The following FBXW12 variants were observed in gnomAD, a reference collection of about 807,000 sequenced individuals.
FBXW12 encodes the protein F-box/WD repeat-containing protein 12.
In FBXW12, 43 loss-of-function variants were observed where a neutral mutation model predicts 55.3. That is an observed-to-expected ratio of 0.78 (90% CI 0.61 to 1.00). The LOEUF is 1.00. FBXW12 is among the 50% of genes least tolerant of loss of function. The probability of loss-of-function intolerance (pLI) is 0.00; values close to 1 mark genes in which losing one functional copy is unlikely to be tolerated. For missense variants in FBXW12, 524 were observed against 560.5 expected, an observed-to-expected ratio of 0.93 and a Z score of 0.66; for synonymous variants, 184 against 203.8, an observed-to-expected ratio of 0.90 and a Z score of 0.83.
intron 5 of FBXW12, 84 bp from the exon 6 acceptor site, chr3:48,378,233 G>T (rs7630741): frequency 0.43 from 433,948 of 1,012,322 alleles, 94,444 homozygotes; most frequent in Non-Finnish European, 0.46. Context: ...TTTGGAAGAG[G>T]CTTCCAAATA....
intron 6 of FBXW12, among the ~76,000 whole-genome samples, chr3:48,378,852 G>GC (rs1275018301): frequency 6.6e-6 from 1 of 151,978 alleles, no homozygotes; most frequent in Non-Finnish European, 1.5e-5. Flanking sequence ...GCCCACCTCA[G>GC]CCCCCCAAAG....
chr3:48,381,742 G>A lies in FBXW12; in HGVS notation c.1028G>A (p.Cys343Tyr), dbSNP rs2036778112. The A allele has an allele frequency of 6.2e-7, 1 of 1,607,784 alleles. No homozygotes were observed. Among genetic ancestry groups the A allele is most frequent in the Non-Finnish European group, 8.5e-7 (1 of 1,176,094 alleles). ...TTCCAGGTGGCAGCTCATCTGAAGT[G>A]CCCTATCTGGATGGGAGCCAGTGAT... ...ASFQVAAHLK[C>Y]PIWMGASDGY... is the part of the protein sequence containing the mutation. Residue 343 changes from cysteine (C) to tyrosine (Y), a missense_variant, in exon 9 of 11, where the codon TGC becomes TAC. Physicochemically the swap from Cys to Tyr is radical, Grantham distance 194. Transcript: ENST00000296438.
intron 1 of FBXW12, 34 bp downstream of exon 1, chr3:48,372,354 T>C (rs951093615): frequency 1.3e-6 from 2 of 1,550,874 alleles, no homozygotes; most frequent in Non-Finnish European, 1.7e-6. Context: ...AGACTCCAAT[T>C]CCAGGAGTTT....
chr3:48,386,809 A>G (rs2036854017), intron 10 of FBXW12, among the ~76,000 whole-genome samples: 1 of 152,154 alleles, frequency 6.6e-6, no homozygotes, highest in Non-Finnish European at 1.5e-5. Context: ...TCAGCCTTGC[A>G]TTCCTAGACT....
Position 48,380,741 on chromosome 3 carries a change from A to T in FBXW12, c.814A>T (p.Ser272Cys), listed in dbSNP as rs201729658. The T allele has an allele frequency of 2.0e-4, 328 of 1,614,000 alleles. No individual in the cohort carries two copies. Among genetic ancestry groups the T allele is most frequent in the Non-Finnish European group, 2.6e-4 (308 of 1,179,972 alleles). Reference sequence around the variant, plus strand: ...GTCCTTACTGAGACCATCAGAAGGCAGTGTTCCTCTGTCTACCTTTCTCCC... The same window carrying T: ...GTCCTTACTGAGACCATCAGAAGGCTGTGTTCCTCTGTCTACCTTTCTCCC... ...TESLLRPSEG[S>C]VPLSTFLPHK... Residue 272 changes from serine (S) to cysteine (C), a missense_variant, in exon 8 of 11, where the codon AGT becomes TGT. Transcript: ENST00000296438.
At chr3:48,373,503 G>T in intron 3 of FBXW12, 45 bp from the exon 4 acceptor site, 1 of 1,605,544 alleles carries the variant, frequency 6.2e-7, no homozygotes, top group South Asian at 1.1e-5. Flanking sequence ...CTGAGGAGGT[G>T]AACTGACTGA....
intron 10 of FBXW12, among the ~76,000 whole-genome samples, chr3:48,385,067 T>C (rs1223709345): frequency 6.6e-6 from 1 of 152,306 alleles, no homozygotes; most frequent in East Asian, 1.9e-4. Context: ...TCTCTGAAAC[T>C]TATTCCTCCT....
At chr3:48,374,764 C>CATT (rs2036658288) in intron 4 of FBXW12, among the ~76,000 whole-genome samples, 1 of 82,678 alleles carries the variant, frequency 1.2e-5, no homozygotes, top group Non-Finnish European at 2.2e-5. Flanking sequence ...CCTGATAACA[C>CATT]TTTTTTTTTT....
Position 48,380,747 on chromosome 3 carries a change from C to T in FBXW12, c.820C>T (p.Pro274Ser). ...SLLRPSEGSVPLSTFLPHKLC... is the reference protein window; with the variant it reads ...SLLRPSEGSVSLSTFLPHKLC... ...ACTGAGACCATCAGAAGGCAGTGTT[C>T]CTCTGTCTACCTTTCTCCCACATAA... The change falls in exon 8 of 11, where the codon CCT (proline) becomes TCT (serine). Residue 274 changes from proline to serine, a missense_variant. Physicochemically the swap from Pro to Ser is moderately conservative, Grantham distance 74 (BLOSUM62 -1). Coordinates refer to ENST00000296438, the MANE Select transcript of FBXW12 (RefSeq NM_207102.2). The T allele has an allele frequency of 6.2e-7, 1 of 1,614,072 alleles. No homozygotes were observed. Among genetic ancestry groups the T allele is most frequent in the Non-Finnish European group, 8.5e-7 (1 of 1,179,938 alleles).
At chr3:48,385,023 A>G (rs1460167037) in intron 10 of FBXW12, among the ~76,000 whole-genome samples, 2 of 152,180 alleles carry the variant, frequency 1.3e-5, no homozygotes, top group Non-Finnish European at 2.9e-5. Context: ...ATGATACACT[A>G]TTATGAACTA....
chr3:48,377,930 A>C (rs544631298), intron 5 of FBXW12, among the ~76,000 whole-genome samples: 24 of 152,318 alleles, frequency 1.6e-4, no homozygotes, highest in Admixed American at 1.6e-3. Flanking sequence ...TAGTTAATAC[A>C]TTTTGGGTTC....
chr3:48,389,523 C>T (rs1023944165), intron 10 of FBXW12, among the ~76,000 whole-genome samples: 2 of 152,086 alleles, frequency 1.3e-5, no homozygotes, highest in Non-Finnish European at 2.9e-5. Flanking sequence ...GAATTACAGG[C>T]ATGTGTCACC....
intron 10 of FBXW12, among the ~76,000 whole-genome samples, chr3:48,388,196 A>G (rs1296129145): frequency 6.6e-6 from 1 of 152,178 alleles, no homozygotes; most frequent in Admixed American, 6.5e-5. Context: ...CACCCAAGAT[A>G]TGCTCTATCT....
At chr3:48,378,567 T>C (rs757296306) in intron 6 of FBXW12, 41 bp downstream of exon 6, 21 of 1,543,616 alleles carry the variant, frequency 1.4e-5, no homozygotes, top group South Asian at 9.0e-5. Context: ...AAAAATCAAA[T>C]GCCTGTTGTC....
At position 48,381,844 on chromosome 3, in the gene FBXW12, A is replaced by C. The variant is rs546259509; in HGVS notation, c.1130A>C (p.Glu377Ala). 2 of 1,608,110 alleles carry C rather than the reference A, an allele frequency of 1.2e-6. No individual in the cohort carries two copies. The highest frequency in any genetic ancestry group is 8.5e-7 in the Non-Finnish European group (1 of 1,175,880). Residue 377 changes from glutamate to alanine, a missense_variant, in exon 9 of 11, where the codon GAG becomes GCG. Coordinates refer to ENST00000296438, the MANE Select transcript of FBXW12 (RefSeq NM_207102.2). ...SITGFLLQRF[E>A]DHQAAINNFW... ...ACTGGCTTCCTGCTGCAACGATTTG[A>C]GGACCATCAGGCAGCCATCAACAAC...
At position 48,372,946 on chromosome 3, in the gene FBXW12, C is replaced by T. The variant is rs563912925; in HGVS notation, c.90+89C>T. On this transcript the variant is annotated intron_variant, in intron 2 of 10. Coordinates refer to ENST00000296438, the MANE Select transcript of FBXW12 (RefSeq NM_207102.2). Reference sequence around the variant, plus strand: ...CACTTTGCAGAATAGCAGAGGGTTACACTGAGGCTTTGGGGGTTAGCATTC... The same window carrying T: ...CACTTTGCAGAATAGCAGAGGGTTATACTGAGGCTTTGGGGGTTAGCATTC... 30 of 1,231,972 alleles carry T rather than the reference C, an allele frequency of 2.4e-5. No homozygotes were observed. In the South Asian group the frequency reaches 3.4e-4, roughly 14 times the overall value. The allele number at this position is 1,231,972 out of a possible 1,614,324, so 76.3% of individuals were successfully genotyped here.
chr3:48,392,303 T>C (rs780827677), intron 10 of FBXW12, among the ~76,000 whole-genome samples: 2 of 151,926 alleles, frequency 1.3e-5, no homozygotes, highest in African/African-American at 2.4e-5. Flanking sequence ...TACAAAAAAT[T>C]AGCTGGGCAT....
At chr3:48,393,656 G>T (rs969080203) in intron 10 of FBXW12, among the ~76,000 whole-genome samples, 7 of 152,172 alleles carry the variant, frequency 4.6e-5, no homozygotes, top group African/African-American at 1.7e-4. Flanking sequence ...GGGCACAATG[G>T]CTCACGCCTG....
chr3:48,374,783 TTTTAA>T (rs1049808633), intron 4 of FBXW12, among the ~76,000 whole-genome samples: 6 of 142,082 alleles, frequency 4.2e-5, no homozygotes, highest in Non-Finnish European at 7.8e-5. Flanking sequence ...TTTTTTTTTT[TTTTAA>T]AAACAGAGTC....
Sources: allele counts gnomAD v4.1 joint callset (sites outside exome capture counted in the v4.1 genomes callset), GRCh38; gene constraint gnomAD v4.1.1; transcripts MANE v1.5; gene names NCBI Gene and HGNC (gene_info 2026-07-23, HGNC 2026-07-21).